Variants in TNS4 observed in about 807,000 individuals in gnomAD.
TNS4 encodes tensin-4.
A neutral mutation model predicts 70.4 loss-of-function variants in TNS4; 46 were observed. That is an observed-to-expected ratio of 0.65 (90% confidence interval 0.52 to 0.84). TNS4 has a LOEUF of 0.84. Ranked by LOEUF, TNS4 falls within the 40% of genes least tolerant of loss-of-function variation. The pLI, the probability that TNS4 is intolerant of heterozygous loss-of-function variation, is 0.00. For missense variants in TNS4, 863 were observed against 907.0 expected (o/e 0.95, Z 0.62); for synonymous variants, 390 against 366.6 (o/e 1.06, Z -0.73).
rs1281121387 is a variant in TNS4 at position 40,476,310 on chromosome 17, ACT to A, written c.*1276_*1277del. 1.5e-5 allele frequency: 2 copies of A among 135,006 alleles called. No individual in the cohort carries two copies. The highest frequency in any genetic ancestry group is 5.7e-5 in the African/African-American group (2 of 35,352). The allele number at this position is 135,006 out of a possible 1,614,324, so 8.4% of individuals were successfully genotyped here. ...GGGAAGCGGCCTCTTTGCATTCTTG[ACT>A]CTCTGCTTCCCCCGTGTGGCTGTGA... On this transcript the variant is annotated 3_prime_UTR_variant, in exon 13 of 13. Transcript: ENST00000254051.
At position 40,482,196 on chromosome 17, in the gene TNS4, A is replaced by G. The variant is rs1291037225; in HGVS notation, c.1605T>C (p.Ser535=). The change falls in exon 8 of 13, where the codon TCT becomes TCC. Residue 535 remains serine (S), a synonymous_variant. Transcript: ENST00000254051. The part of the protein sequence containing the change: ...ADEEPYFGSL[S]AFVCQHSIMA... ...TGATGGAATGCTGGCACACGAAGGC[A>G]GAGAGGCTCCCTGAAAGGAAGCAAG... 1.9e-6 allele frequency: 3 copies of G among 1,614,234 alleles called. No homozygotes were observed. The highest frequency in any genetic ancestry group is 2.5e-6 in the Non-Finnish European group (3 of 1,180,040).
chr17:40,487,235 TGG>T lies in TNS4; in HGVS notation c.1087_1088del (p.Pro363IlefsTer84). On this transcript the variant is annotated frameshift_variant, in exon 4 of 13. Transcript: ENST00000254051. LOFTEE classifies it high-confidence loss of function. ...LAKEHASSCPPSITNSMVDIP... is the reference protein window; with the variant it reads ...LAKEHASSCPXSITNSMVDIP... The stretch of plus-strand genomic sequence containing the variant: ...TGTCCACCATGGAGTTGGTGATGGA[TGG>T]GGGGCAGCTGCTGGCATGTTCTTTG... 6.2e-7 allele frequency: 1 copy of T among 1,614,024 alleles called. No individual in the cohort carries two copies. The highest frequency in any genetic ancestry group is 8.5e-7 in the Non-Finnish European group (1 of 1,179,998).
rs190515711 is a variant in TNS4 at position 40,486,764 on chromosome 17, C to A, written c.1288+272G>T. On this transcript the variant is annotated intron_variant, in intron 4 of 12. Coordinates refer to ENST00000254051, the MANE Select transcript of TNS4 (RefSeq NM_032865.6). Reference sequence around the variant, plus strand: ...CCAGATCCAGCTCGGATGTCGCTTCCTCTGTTCTCCAGACTGAAAGAATCA... The same window carrying A: ...CCAGATCCAGCTCGGATGTCGCTTCATCTGTTCTCCAGACTGAAAGAATCA... Among the ~76,000 whole-genome samples the A allele has an allele frequency of 9.9e-5, 15 of 152,256 alleles. No individual in the cohort carries two copies. The East Asian group carries it at 2.7e-3, about 27-fold the overall frequency.
intron 3 of TNS4, among the ~76,000 whole-genome samples, chr17:40,487,819 G>A (rs911671818): frequency 6.6e-6 from 1 of 152,218 alleles, no homozygotes; most frequent in African/African-American, 2.4e-5. Flanking sequence ...CAGGAGCCCT[G>A]CAGATGGGCT....
chr17:40,484,275 AGCAC>A (rs1197281039), intron 6 of TNS4, among the ~76,000 whole-genome samples: 1 of 152,178 alleles, frequency 6.6e-6, no homozygotes, highest in African/African-American at 2.4e-5. Flanking sequence ...GGAAGGCAGA[AGCAC>A]GCAGGCTTGC....
chr17:40,490,577 C>T (rs1331955517), intron 2 of TNS4, among the ~76,000 whole-genome samples: 2 of 152,142 alleles, frequency 1.3e-5, no homozygotes, highest in Non-Finnish European at 2.9e-5. Flanking sequence ...TGCCCCAGCC[C>T]GCTCCTGGGT....
At chr17:40,480,009 C>T in intron 9 of TNS4, 167 bp from the exon 10 acceptor site, 1 of 825,756 alleles carries the variant, frequency 1.2e-6, no homozygotes, top group Non-Finnish European at 1.8e-6. Flanking sequence ...AGTTTGAGGC[C>T]AACCCCAGAG....
At position 40,480,774 on chromosome 17, in the gene TNS4, C is replaced by T. The variant is rs1227939942; in HGVS notation, c.1673-6G>A. 2 of 1,601,546 alleles carry T rather than the reference C, an allele frequency of 1.2e-6. No individual in the cohort carries two copies. Among genetic ancestry groups the T allele is most frequent in the African/African-American group, 2.7e-5 (2 of 74,214 alleles). The stretch of plus-strand genomic sequence containing the variant: ...CCCATCTGCACCTCCCAGTTCTGAG[C>T]CAAGGCAAAGAAACAGGCCCCCCAA... On this transcript the variant is annotated splice_region_variant and splice_polypyrimidine_tract_variant and intron_variant, in intron 8 of 12. Transcript: ENST00000254051.
At chr17:40,487,800 C>G (rs1426579219) in intron 3 of TNS4, among the ~76,000 whole-genome samples, 1 of 152,256 alleles carries the variant, frequency 6.6e-6, no homozygotes, top group Non-Finnish European at 1.5e-5. Context: ...TTCAGGCCCC[C>G]ATGACTCCCA....
In TNS4 at chr17:40,488,859, G is replaced by C; in HGVS notation, c.550C>G (p.Leu184Val). ...CGGGGGACGTCTCTGGAAAGGAGGA[G>C]GCCACCACTGCGAAGGGAGCCGAAG... ...PPFGSLRSGG[L>V]LLSRDVPRET... Residue 184 changes from leucine (L) to valine (V), a missense_variant, in exon 3 of 13, where the codon CTC (leucine) becomes GTC (valine). Physicochemically the swap from Leu to Val is conservative, Grantham distance 32. Coordinates refer to ENST00000254051, the MANE Select transcript of TNS4 (RefSeq NM_032865.6). 1 of 1,613,624 alleles carries C rather than the reference G, an allele frequency of 6.2e-7. No individual in the cohort carries two copies. Among genetic ancestry groups the C allele is most frequent in the Non-Finnish European group, 8.5e-7 (1 of 1,179,928 alleles).
Position 40,496,246 on chromosome 17 carries a change from C to T in TNS4, c.180G>A (p.Met60Ile). Reference protein sequence around the residue: ...AQALMAPVPCMGPPGRLQQAP... With the variant: ...AQALMAPVPCIGPPGRLQQAP... ...CTTGCTGGAGTCGGCCAGGGGGCCC[C>T]ATGCAGGGCACGGGGGCCATCAGGG... The change falls in exon 2 of 13, where the codon ATG (methionine) becomes ATA (isoleucine). Residue 60 changes from methionine to isoleucine, a missense_variant. By Grantham distance (10) the Met-to-Ile change is conservative. Transcript: ENST00000254051. 1 of 1,595,498 alleles carries T rather than the reference C, an allele frequency of 6.3e-7. No individual in the cohort carries two copies. The highest frequency in any genetic ancestry group is 8.5e-7 in the Non-Finnish European group (1 of 1,171,514).
In TNS4 at chr17:40,487,182, G is replaced by A; in HGVS notation, c.1142C>T (p.Pro381Leu). The A allele has an allele frequency of 6.2e-7, 1 of 1,614,166 alleles. No individual in the cohort carries two copies. The highest frequency in any genetic ancestry group is 1.3e-5 in the African/African-American group (1 of 75,036). ...DIPIVLINGC[P>L]EPGSSPPQRT... ...CTGGGGTGGAGAAGACCCTGGTTCT[G>A]GGCAGCCGTTGATCAGCACAATGGG... The change falls in exon 4 of 13, where the codon CCA (proline) becomes CTA (leucine). Residue 381 changes from proline to leucine, a missense_variant. Pro to Leu is a moderately conservative substitution (Grantham distance 98). Transcript: ENST00000254051.
At position 40,493,808 on chromosome 17, in the gene TNS4, T is replaced by C. The variant is rs752952412; in HGVS notation, c.439+2179A>G. Among the ~76,000 whole-genome samples, 55 of 152,324 alleles carry C rather than the reference T, an allele frequency of 3.6e-4. 1 individual carries two copies. Among genetic ancestry groups the C allele is most frequent in the Admixed American group, 1.8e-3 (27 of 15,304 alleles). On this transcript the variant is annotated intron_variant, in intron 2 of 12. Coordinates refer to ENST00000254051, the MANE Select transcript of TNS4 (RefSeq NM_032865.6). ...CTTCCGTGGAGGAAGGGCCTAGTTG[T>C]CACCAACCCCCACCCAACATTTGAG...
intron 6 of TNS4, among the ~76,000 whole-genome samples, chr17:40,483,842 T>TC (rs2035957967): frequency 6.6e-6 from 1 of 152,192 alleles, no homozygotes; most frequent in African/African-American, 2.4e-5. Flanking sequence ...CGTTATCTCA[T>TC]CCGTTAAATA....
Position 40,484,490 on chromosome 17 carries a change from G to C in TNS4, c.1495C>G (p.Arg499Gly), listed in dbSNP as rs267604851. The change falls in exon 6 of 13, where the codon CGA (arginine) becomes GGA (glycine). Residue 499 changes from arginine to glycine, a missense_variant. Physicochemically the swap from Arg to Gly is moderately radical, Grantham distance 125. Transcript: ENST00000254051. ...VQEVPASAQS[R>G]PGEDSNDLIR... ...CACAGAGACAGACGCATACCTGGTCGACTCTGAGCAGACGCGGGAACCTCC... is the reference window on the plus strand; with the variant it reads ...CACAGAGACAGACGCATACCTGGTCCACTCTGAGCAGACGCGGGAACCTCC... 1.2e-6 allele frequency: 2 copies of C among 1,610,390 alleles called. No individual in the cohort carries two copies. Among genetic ancestry groups the C allele is most frequent in the African/African-American group, 1.3e-5 (1 of 74,902 alleles).
intron 10 of TNS4, 75 bp downstream of exon 10, chr17:40,479,599 C>A: frequency 2.0e-6 from 3 of 1,537,418 alleles, no homozygotes; most frequent in Non-Finnish European, 2.6e-6. Flanking sequence ...CATCCCTGAT[C>A]TGCAGCTGTC....
rs184598291 is a variant in TNS4 at position 40,483,599 on chromosome 17, C to T, written c.1501+885G>A. ...ATCTCTGCTGGAGCCACGCTGGCCC[C>T]GGGGGTGGGGAGGTGAACAATGACC... On this transcript the variant is annotated intron_variant, in intron 6 of 12. Transcript: ENST00000254051. Among the ~76,000 whole-genome samples, 483 of 152,250 alleles carry T rather than the reference C, an allele frequency of 3.2e-3. 14 individuals carry two copies. Among genetic ancestry groups the T allele is most frequent in the Admixed American group, 0.027 (416 of 15,284 alleles).
At position 40,487,057 on chromosome 17, in the gene TNS4, G is replaced by A. The variant is rs774711479; in HGVS notation, c.1267C>T (p.Pro423Ser). ...RSNSQTLSDA[P>S]FTTCPEGPAR... ...GTACCCTCTGGGCATGTGGTAAAGG[G>A]GGCATCTGACAGGGTCTGGCTGTTG... is the stretch of plus-strand genomic sequence containing the variant. Residue 423 changes from proline to serine, a missense_variant, in exon 4 of 13, where the codon CCC becomes TCC. Pro to Ser is a moderately conservative substitution (Grantham distance 74). Transcript: ENST00000254051. 6.2e-7 allele frequency: 1 copy of A among 1,614,046 alleles called. No homozygotes were observed. Among genetic ancestry groups the A allele is most frequent in the Non-Finnish European group, 8.5e-7 (1 of 1,180,006 alleles).
At chr17:40,492,458 T>C (rs1435379385) in intron 2 of TNS4, among the ~76,000 whole-genome samples, 1 of 151,212 alleles carries the variant, frequency 6.6e-6, no homozygotes, top group African/African-American at 2.4e-5. Context: ...AGACTCCACC[T>C]CCAAGGCTCA....
Sources: allele counts gnomAD v4.1 joint callset (sites outside exome capture counted in the v4.1 genomes callset), GRCh38; gene constraint gnomAD v4.1.1; transcripts MANE v1.5; gene names NCBI Gene and HGNC (gene_info 2026-07-23, HGNC 2026-07-21).